The following KCNQ1 variants were observed in gnomAD, a reference collection of about 807,000 sequenced individuals.
KCNQ1 encodes the protein potassium voltage-gated channel subfamily Q member 1.
Under a neutral mutation model 72.4 loss-of-function variants are expected in KCNQ1, and 49 were observed. The ratio of observed to expected loss-of-function variants is 0.68; its 90% CI spans 0.54 to 0.86. The LOEUF is 0.86. Among genes scored for constraint, KCNQ1 ranks in the 40% least tolerant of loss-of-function variants. The pLI is 0.00. For missense variants in KCNQ1, 790 were observed against 945.1 expected, an observed-to-expected ratio of 0.84 and a Z score of 2.15; for synonymous variants, 450 against 412.6, an observed-to-expected ratio of 1.09 and a Z score of -1.10.
chr11:2,674,853 A>AG lies in KCNQ1; in HGVS notation c.1514+12772_1514+12773insG. ...TTTTTAAAAAAAAAAAAAAAAAAAA[A>AG]AAAAAAAGCTCACTGGGCACCTTGG... is the stretch of plus-strand genomic sequence containing the variant. On this transcript the variant is annotated intron_variant, in intron 11 of 15. Transcript: ENST00000155840. This position sits in a 1 kb window ranked among gnomAD's most constrained non-coding sequence, Gnocchi z 5.9. 1 of 397,484 alleles carries AG rather than the reference A, an allele frequency of 2.5e-6. No individual in the cohort carries two copies. Among genetic ancestry groups the AG allele is most frequent in the Admixed American group, 4.4e-5 (1 of 22,658 alleles). 24.6% of individuals were successfully genotyped at this position (397,484 alleles called of 1,614,324 possible). A position where few individuals can be genotyped will look rare whatever the true frequency, so the allele number is the denominator to read the frequency against.
chr11:2,568,874 TGATTTTTGTTTTTC>T lies in KCNQ1; in HGVS notation c.478-1752_478-1739del, dbSNP rs1177223072. 3.1e-4 allele frequency among the ~76,000 whole-genome samples: 47 copies of T among 152,184 alleles called. 1 individual carries two copies. The East Asian group carries it at 8.7e-3, about 28-fold the overall frequency. On this transcript the variant is annotated intron_variant, in intron 2 of 15. Transcript: ENST00000155840. The stretch of plus-strand genomic sequence containing the variant: ...GTCCACACCTTTTGTTTTTGTTTTT[TGATTTTTGTTTTTC>T]GTTTTTTGTTTTTTGAGATGGAGTC...
intron 11 of KCNQ1, among the ~76,000 whole-genome samples, chr11:2,751,081 C>T (rs553630679): frequency 1.8e-4 from 28 of 152,318 alleles, no homozygotes; most frequent in African/African-American, 6.5e-4. Flanking sequence ...CAATTTGGGT[C>T]ACCCACAGCC....
intron 11 of KCNQ1, among the ~76,000 whole-genome samples, chr11:2,751,885 TC>T (rs1436656211): frequency 6.6e-6 from 1 of 152,072 alleles, no homozygotes; most frequent in African/African-American, 2.4e-5. Flanking sequence ...TTTGCCCTAT[TC>T]CCCCCATAGC....
At chr11:2,754,248 A>G (rs1846266884) in intron 11 of KCNQ1, among the ~76,000 whole-genome samples, 1 of 152,216 alleles carries the variant, frequency 6.6e-6, no homozygotes, top group Admixed American at 6.5e-5. Flanking sequence ...GGGTGTGCCC[A>G]TTGCATGTCT....
chr11:2,552,347 C>G (rs1847995369), intron 2 of KCNQ1, among the ~76,000 whole-genome samples: 1 of 152,100 alleles, frequency 6.6e-6, no homozygotes, highest in African/African-American at 2.4e-5. Flanking sequence ...AGACTTTTTT[C>G]CCATTGAATT....
intron 11 of KCNQ1, among the ~76,000 whole-genome samples, chr11:2,743,453 G>C (rs1267700354): frequency 6.6e-6 from 1 of 152,204 alleles, no homozygotes; most frequent in Non-Finnish European, 1.5e-5. Flanking sequence ...CAGAGCTCAG[G>C]GCCCAAGATG....
chr11:2,617,246 C>T lies in KCNQ1; in HGVS notation c.1393+28392C>T, dbSNP rs1849082611. The stretch of plus-strand genomic sequence containing the variant: ...CCATTTTCTTCCCCCACACCTTGCC[C>T]ATGGTAACCACTAGTTTATTCTATC... On this transcript the variant is annotated intron_variant, in intron 10 of 15. Transcript: ENST00000155840. The surrounding 1 kb of genome is among the most constrained non-coding windows in gnomAD (Gnocchi z 4.6). 2.5e-6 allele frequency: 1 copy of T among 398,236 alleles called. No homozygotes were observed. The highest frequency in any genetic ancestry group is 4.4e-6 in the Non-Finnish European group (1 of 225,944). 24.7% of individuals were successfully genotyped at this position (398,236 alleles called of 1,614,324 possible).
At chr11:2,590,958 A>C (rs372640890) in intron 10 of KCNQ1, among the ~76,000 whole-genome samples, 1 of 152,200 alleles carries the variant, frequency 6.6e-6, no homozygotes, top group African/African-American at 2.4e-5. Context: ...CCTGCTGTGT[A>C]TGTGCTCAGC....
At chr11:2,738,757 C>T (rs764513371) in intron 11 of KCNQ1, among the ~76,000 whole-genome samples, 1 of 152,216 alleles carries the variant, frequency 6.6e-6, no homozygotes. Flanking sequence ...GGCTGCAGCA[C>T]TGGCCACACA....
At chr11:2,465,022 T>A (rs1321656917) in intron 1 of KCNQ1, among the ~76,000 whole-genome samples, 2 of 152,172 alleles carry the variant, frequency 1.3e-5, no homozygotes, top group Non-Finnish European at 2.9e-5. Context: ...TCTTGTTTCC[T>A]TTCCCCCATC....
At chr11:2,778,494 T>C (rs1846755252) in intron 15 of KCNQ1, among the ~76,000 whole-genome samples, 1 of 152,146 alleles carries the variant, frequency 6.6e-6, no homozygotes, top group African/African-American at 2.4e-5. Context: ...CCAGCTGGGA[T>C]GGGTTCATGG....
intron 11 of KCNQ1, chr11:2,696,288 G>A (rs1850674598): frequency 2.5e-6 from 1 of 398,602 alleles, no homozygotes; most frequent in South Asian, 1.3e-4. Flanking sequence ...ACTTTTCCTA[G>A]GGGCTCAGTT....
chr11:2,613,436 TTTCTATGGAA>T lies in KCNQ1; in HGVS notation c.1393+24586_1393+24595del. On this transcript the variant is annotated intron_variant, in intron 10 of 15. Coordinates refer to ENST00000155840, the MANE Select transcript of KCNQ1 (RefSeq NM_000218.3). The surrounding 1 kb of genome is among the most constrained non-coding windows in gnomAD (Gnocchi z 4.8). ...TGTTGCTTAACATAGTGCATAGGGT[TTTCTATGGAA>T]TTCAAAATCAGATGAGCCTTCTTTG... 2.5e-6 allele frequency: 1 copy of T among 398,574 alleles called. No homozygotes were observed. The highest frequency in any genetic ancestry group is 4.4e-6 in the Non-Finnish European group (1 of 226,068). The allele number at this position is 398,574 out of a possible 1,614,324, so 24.7% of individuals were successfully genotyped here.
rs1048892425 is a variant in KCNQ1 at position 2,609,626 on chromosome 11, T to C, written c.1393+20772T>C. On this transcript the variant is annotated intron_variant, in intron 10 of 15. Coordinates refer to ENST00000155840, the MANE Select transcript of KCNQ1 (RefSeq NM_000218.3). ...CATTATTGAAAGTGGAGTGTTGAAG[T>C]CTCCAACTACTATTGTTGAATTGGC... The C allele has an allele frequency of 5.5e-5, 22 of 398,302 alleles. No homozygotes were observed. The Admixed American group carries it at 8.8e-4, about 16-fold the overall frequency. 24.7% of individuals were successfully genotyped at this position (398,302 alleles called of 1,614,324 possible).
rs1850672100 is a variant in KCNQ1 at position 2,696,094 on chromosome 11, G to A, written c.1514+34013G>A. 6 of 398,512 alleles carry A rather than the reference G, an allele frequency of 1.5e-5. No individual in the cohort carries two copies. The South Asian group carries it at 6.4e-4, about 42-fold the overall frequency. 24.7% of individuals were successfully genotyped at this position (398,512 alleles called of 1,614,324 possible). A position where few individuals can be genotyped will look rare whatever the true frequency, so the allele number is the denominator to read the frequency against. ...CTTGCCATGATGGATTTATTTAACA[G>A]AAATCCTTAATCCATAATCATTAAT... On this transcript the variant is annotated intron_variant, in intron 11 of 15. Transcript: ENST00000155840.
Position 2,676,227 on chromosome 11 carries a change from T to C in KCNQ1, c.1514+14146T>C, listed in dbSNP as rs545800943. On this transcript the variant is annotated intron_variant, in intron 11 of 15. Transcript: ENST00000155840. The surrounding 1 kb of genome is among the most constrained non-coding windows in gnomAD (Gnocchi z 4.2). ...TTTTGAGCTGTACATACAATGCTGA[T>C]TTATTATGGTGCAGTACATCTGAGA... 1 of 398,670 alleles carries C rather than the reference T, an allele frequency of 2.5e-6. No homozygotes were observed. The highest frequency in any genetic ancestry group is 4.4e-5 in the Admixed American group (1 of 22,746). The allele number at this position is 398,670 out of a possible 1,614,324, so 24.7% of individuals were successfully genotyped here.
intron 10 of KCNQ1, chr11:2,656,470 G>A (rs1439546727): frequency 2.5e-6 from 1 of 398,614 alleles, no homozygotes; most frequent in African/African-American, 2.1e-5. Flanking sequence ...CCTGCTGGAA[G>A]TCTGCCACTC....
At chr11:2,800,665 G>A (rs143122969) in intron 15 of KCNQ1, among the ~76,000 whole-genome samples, 28 of 152,264 alleles carry the variant, frequency 1.8e-4, no homozygotes, top group African/African-American at 6.3e-4. Flanking sequence ...AAGGTCCAAC[G>A]CCCAGCTTAT....
At chr11:2,615,987 A>G (rs974242827) in intron 10 of KCNQ1, 1 of 398,152 alleles carries the variant, frequency 2.5e-6, no homozygotes, top group East Asian at 3.6e-5. Flanking sequence ...CCATCTGTGT[A>G]GCATTTTCTT....
Sources: allele counts gnomAD v4.1 joint callset (sites outside exome capture counted in the v4.1 genomes callset), GRCh38; gene constraint gnomAD v4.1.1; non-coding constraint Gnocchi (gnomAD v3.1); transcripts MANE v1.5; gene names NCBI Gene and HGNC (gene_info 2026-07-23, HGNC 2026-07-21).